DPH6: variants seen among roughly 807,000 people sequenced by gnomAD.
DPH6 encodes the protein diphthamine biosynthesis 6.
In DPH6, 33 loss-of-function variants were observed where a neutral mutation model predicts 38.2. The ratio of observed to expected loss-of-function variants is 0.86; its 90% confidence interval spans 0.65 to 1.15. The LOEUF (loss-of-function observed/expected upper bound fraction) is 1.15. DPH6 is among the 50% of genes most tolerant of loss of function. The pLI is 0.00. For synonymous variants in DPH6, 108 were observed against 103.0 expected (o/e 1.05, Z -0.30); for missense variants, 325 against 320.0 (o/e 1.02, Z -0.12).
At position 35,436,508 on chromosome 15, in the gene DPH6, ACAAAAC is replaced by A. The variant is rs1566909291; in HGVS notation, c.505+14171_505+14176del. On this transcript the variant is annotated intron_variant, in intron 5 of 8. Coordinates refer to ENST00000256538, the MANE Select transcript of DPH6 (RefSeq NM_080650.4). ...ACAAAACAAAACAAAACAAAACAAAACAAAACAAAAAAGGTTCTCTCCCTGTTCGTC... is the reference window on the plus strand; with the variant it reads ...ACAAAACAAAACAAAACAAAACAAAAAAAAAAGGTTCTCTCCCTGTTCGTC... 8.3e-3 allele frequency among the ~76,000 whole-genome samples: 294 copies of A among 35,332 alleles called. 22 individuals carry two copies. The highest frequency in any genetic ancestry group is 0.013 in the African/African-American group (280 of 22,116). 23.2% of individuals were successfully genotyped at this position (35,332 alleles called of 152,430 possible).
intron 3 of DPH6, among the ~76,000 whole-genome samples, chr15:35,506,006 A>G (rs566735354): frequency 4.3e-4 from 66 of 152,282 alleles, no homozygotes; most frequent in Admixed American, 8.5e-4. Flanking sequence ...TTGACACTGC[A>G]AAGTTCACAC....
chr15:35,265,556 C>T lies in DPH6; in HGVS notation n.201-44974G>A, dbSNP rs149544551. 2.0e-4 allele frequency among the ~76,000 whole-genome samples: 30 copies of T among 152,300 alleles called. 1 individual carries two copies. The East Asian group carries it at 5.4e-3, about 27-fold the overall frequency. ...TGCTCTCTCCATCTGCAAGAGTCCT[C>T]CTCTGCTACACTGTAATAATAGCTT... On this transcript the variant is annotated intron_variant and non_coding_transcript_variant, in intron 3 of 3. Transcript: ENST00000560386.
At chr15:35,520,304 A>C in intron 3 of DPH6, 2 of 978,946 alleles carry the variant, frequency 2.0e-6, no homozygotes, top group Non-Finnish European at 2.4e-6. Flanking sequence ...TTACACATAA[A>C]AACTCAAAGT....
intron 3 of DPH6, among the ~76,000 whole-genome samples, chr15:35,348,849 A>G (rs1416360322): frequency 6.6e-6 from 1 of 152,100 alleles, no homozygotes; most frequent in East Asian, 1.9e-4. Context: ...TTCTCAGTGT[A>G]TACGTTTTTT....
intron 8 of DPH6, 22 bp from the exon 9 acceptor site, chr15:35,372,225 A>T: frequency 6.7e-7 from 1 of 1,484,174 alleles, no homozygotes; most frequent in Non-Finnish European, 8.9e-7. Context: ...AGGGAAGGAA[A>T]GGGAAGGAAA....
intron 3 of DPH6, among the ~76,000 whole-genome samples, chr15:35,247,593 A>C (rs2051645416): frequency 6.6e-6 from 1 of 152,192 alleles, no homozygotes; most frequent in Non-Finnish European, 1.5e-5. Context: ...ACTAGAGAAG[A>C]CCTGCTTTCA....
chr15:35,529,328 G>C (rs2055051555), intron 3 of DPH6, among the ~76,000 whole-genome samples: 1 of 152,116 alleles, frequency 6.6e-6, no homozygotes, highest in Admixed American at 6.5e-5. Context: ...AGAGTGAAGA[G>C]TGAGGTGCTA....
chr15:35,299,651 T>A (rs2140800698), intron 3 of DPH6, among the ~76,000 whole-genome samples: 1 of 152,266 alleles, frequency 6.6e-6, no homozygotes. Flanking sequence ...TGTTTCCCCA[T>A]TCCTAACTCC....
At chr15:35,543,651 T>G (rs2055299288) in intron 1 of DPH6, among the ~76,000 whole-genome samples, 1 of 152,112 alleles carries the variant, frequency 6.6e-6, no homozygotes, top group Non-Finnish European at 1.5e-5. Context: ...GCCTTTTATC[T>G]TAGTTTTCAA....
chr15:35,163,000 A>G, the DPH6 span, among the ~76,000 whole-genome samples: 4 of 151,920 alleles, frequency 2.6e-5, no homozygotes, highest in South Asian at 2.1e-4. Context: ...CAAAGCTTAC[A>G]AACATGCTTG....
At chr15:35,255,536 C>G (rs987078763) in intron 3 of DPH6, among the ~76,000 whole-genome samples, 4 of 152,080 alleles carry the variant, frequency 2.6e-5, no homozygotes, top group Non-Finnish European at 5.9e-5. Flanking sequence ...GCTGTTTCCC[C>G]CCTGAGATAA....
intron 3 of DPH6, among the ~76,000 whole-genome samples, chr15:35,533,507 C>T (rs1224197324): frequency 6.6e-6 from 1 of 152,020 alleles, no homozygotes; most frequent in Non-Finnish European, 1.5e-5. Flanking sequence ...GAGGTCTTAC[C>T]TCTACAGAAA....
At position 35,435,554 on chromosome 15, in the gene DPH6, A is replaced by C. The variant is rs944988126; in HGVS notation, c.505+15131T>G. Among the ~76,000 whole-genome samples, 5 of 152,064 alleles carry C rather than the reference A, an allele frequency of 3.3e-5. No homozygotes were observed. In the East Asian group the frequency reaches 9.7e-4, roughly 29 times the overall value. ...GGGAGGAGTCAGGCCTCTTCAGCTCATGTGTGGTGGCCTGGTATTCAATCT... is the reference window on the plus strand; with the variant it reads ...GGGAGGAGTCAGGCCTCTTCAGCTCCTGTGTGGTGGCCTGGTATTCAATCT... On this transcript the variant is annotated intron_variant, in intron 5 of 8. Transcript: ENST00000256538.
At chr15:35,209,020 A>C in the DPH6 span, among the ~76,000 whole-genome samples, 1 of 152,124 alleles carries the variant, frequency 6.6e-6, no homozygotes, top group African/African-American at 2.4e-5. Context: ...TTTTCTTTAG[A>C]GCAGTCCTGA....
At chr15:35,430,891 T>C (rs903518542) in intron 5 of DPH6, among the ~76,000 whole-genome samples, 3 of 152,108 alleles carry the variant, frequency 2.0e-5, no homozygotes, top group Non-Finnish European at 4.4e-5. Context: ...AAATTACAAG[T>C]ACAGTATAGG....
At chr15:35,279,141 G>T (rs1180697347) in intron 3 of DPH6, among the ~76,000 whole-genome samples, 1 of 151,216 alleles carries the variant, frequency 6.6e-6, no homozygotes, top group Non-Finnish European at 1.5e-5. Context: ...CTTGTGTGGG[G>T]CCTATTGCCC....
chr15:35,261,374 T>G (rs1348757321), intron 3 of DPH6, among the ~76,000 whole-genome samples: 1 of 152,218 alleles, frequency 6.6e-6, no homozygotes, highest in Non-Finnish European at 1.5e-5. Context: ...TACTTCCTTC[T>G]TCCTTCTCTT....
chr15:35,319,955 A>G (rs577907290), intron 3 of DPH6, among the ~76,000 whole-genome samples: 1 of 152,126 alleles, frequency 6.6e-6, no homozygotes, highest in Non-Finnish European at 1.5e-5. Flanking sequence ...TGTTAAGCAT[A>G]ACAAATTCTT....
intron 3 of DPH6, among the ~76,000 whole-genome samples, chr15:35,314,656 A>G (rs987878774): frequency 3.3e-5 from 5 of 152,190 alleles, no homozygotes; most frequent in African/African-American, 1.2e-4. Context: ...ACTACACGAG[A>G]AGTTGCCAAA....
Sources: allele counts gnomAD v4.1 joint callset (sites outside exome capture counted in the v4.1 genomes callset), GRCh38; gene constraint gnomAD v4.1.1; transcripts MANE v1.5; gene names NCBI Gene and HGNC (gene_info 2026-07-23, HGNC 2026-07-21).